Variants in PCDH11X observed in about 807,000 individuals in gnomAD.
The protein encoded by PCDH11X is protocadherin-11 X-linked.
Under a neutral mutation model 53.3 loss-of-function variants are expected in PCDH11X, and 18 were observed. The ratio of observed to expected loss-of-function variants is 0.34; its 90% CI spans 0.23 to 0.50. The LOEUF (loss-of-function observed/expected upper bound fraction) is 0.50. PCDH11X is among the 20% of genes least tolerant of loss of function. PCDH11X has a pLI of 0.98. For synonymous variants in PCDH11X, 279 were observed against 393.3 expected, an observed-to-expected ratio of 0.71 and a Z score of 3.44; for missense variants, 570 against 1,032.4, an observed-to-expected ratio of 0.55 and a Z score of 6.14.
At position 92,084,595 on chromosome X, in the gene PCDH11X, A is replaced by C. The variant is rs1451396895; in HGVS notation, c.3034-116780A>C. Among the ~76,000 whole-genome samples the C allele has an allele frequency of 5.4e-5, 6 of 111,056 alleles. No individual in the cohort carries two copies. The Admixed American group carries it at 5.8e-4, about 11-fold the overall frequency. On this transcript the variant is annotated intron_variant, in intron 6 of 10. Coordinates refer to ENST00000682573, the MANE Select transcript of PCDH11X (RefSeq NM_032968.5). ...TAACTAACACTTCCAAAAGATCAAA[A>C]AAATTTACTTAAATAATTTACACAT...
At chrX:92,399,192 C>CAAAAAAAAAAAAAAAAAAAAAA (rs376361040) in intron 9 of PCDH11X, among the ~76,000 whole-genome samples, 1 of 91,584 alleles carries the variant, frequency 1.1e-5, no homozygotes, top group Admixed American at 1.3e-4. Flanking sequence ...GACTCCGTGT[C>CAAAAAAAAAAAAAAAAAAAAAA]AAAAAAAAAA....
At chrX:92,334,551 C>T (rs1414386009) in intron 8 of PCDH11X, among the ~76,000 whole-genome samples, 1 of 111,170 alleles carries the variant, frequency 9.0e-6, no homozygotes, top group Non-Finnish European at 1.9e-5. Context: ...TACCATAAAC[C>T]TTCAATAACA....
chrX:92,215,556 C>G lies in PCDH11X; in HGVS notation c.3114+14101C>G, dbSNP rs6522507. ...GGTAAACAAAGCAGCCCGGAAGCTC[C>G]AACTGGGTGGAGCCCACCACAGCTC... is the stretch of plus-strand genomic sequence containing the variant. On this transcript the variant is annotated intron_variant, in intron 7 of 10. Coordinates refer to ENST00000682573, the MANE Select transcript of PCDH11X (RefSeq NM_032968.5). Among the ~76,000 whole-genome samples the G allele has an allele frequency of 3.4e-3, 28 of 8,234 alleles. 3 individuals carry two copies. The highest frequency in any genetic ancestry group is 3.9e-3 in the African/African-American group (26 of 6,626). 7.2% of individuals were successfully genotyped at this position (8,234 alleles called of 115,157 possible).
intron 10 of PCDH11X, among the ~76,000 whole-genome samples, chrX:92,536,372 C>A (rs1488592646): frequency 2.7e-5 from 3 of 110,983 alleles, no homozygotes; most frequent in African/African-American, 9.8e-5. Context: ...TCATCTCTAC[C>A]CATATTTTAA....
chrX:92,422,857 T>C (rs1434465550), intron 9 of PCDH11X, among the ~76,000 whole-genome samples: 3 of 108,811 alleles, frequency 2.8e-5, no homozygotes, highest in Non-Finnish European at 5.8e-5. Context: ...TCTTTATTTC[T>C]TTATTTTTTG....
chrX:92,328,660 A>G (rs1391253975), intron 8 of PCDH11X, among the ~76,000 whole-genome samples: 1 of 111,187 alleles, frequency 9.0e-6, no homozygotes, highest in Non-Finnish European at 1.9e-5. Flanking sequence ...TAATATTTAT[A>G]CTGTATACGT....
At chrX:92,542,905 T>C (rs1302276598) in intron 10 of PCDH11X, among the ~76,000 whole-genome samples, 1 of 111,817 alleles carries the variant, frequency 8.9e-6, no homozygotes, top group Non-Finnish European at 1.9e-5. Flanking sequence ...TTCTAGATTT[T>C]TCAAAGTATA....
At chrX:91,854,696 G>A (rs1479985570) in intron 5 of PCDH11X, among the ~76,000 whole-genome samples, 1 of 112,019 alleles carries the variant, frequency 8.9e-6, no homozygotes. Context: ...AAGCCAGGGG[G>A]TGAGATAATA....
rs1322968894 is a variant in PCDH11X, at chrX:92,218,904, G to A, written c.3114+17449G>A. The stretch of plus-strand genomic sequence containing the variant: ...AGGCTGGTTCAATATATGCAAATCA[G>A]TAAATGTAATCCAGCATATAAACAG... On this transcript the variant is annotated intron_variant, in intron 7 of 10. Transcript: ENST00000682573. Among the ~76,000 whole-genome samples the A allele has an allele frequency of 3.0e-3, 328 of 110,817 alleles. 1 individual carries two copies. Among genetic ancestry groups the A allele is most frequent in the Middle Eastern group, 0.023 (5 of 215 alleles).
rs1253220860 is a variant in PCDH11X, at chrX:91,983,261, C to T, written c.3033+103988C>T. ...CTGATCTTCCACAGTCATCTCGGTGCCTAGTGTATTGTCGGTGTTCTATTT... is the reference window on the plus strand; with the variant it reads ...CTGATCTTCCACAGTCATCTCGGTGTCTAGTGTATTGTCGGTGTTCTATTT... On this transcript the variant is annotated intron_variant, in intron 6 of 10. Coordinates refer to ENST00000682573, the MANE Select transcript of PCDH11X (RefSeq NM_032968.5). The T allele has an allele frequency of 4.8e-5, 41 of 860,191 alleles. No individual in the cohort carries two copies. In the African/African-American group the frequency reaches 8.1e-4, roughly 17 times the overall value. 70.9% of individuals were successfully genotyped at this position (860,191 alleles called of 1,213,427 possible).
intron 6 of PCDH11X, among the ~76,000 whole-genome samples, chrX:92,014,866 C>G (rs2062762716): frequency 9.1e-6 from 1 of 110,395 alleles, no homozygotes; most frequent in South Asian, 3.9e-4. Context: ...AGTGGAACAT[C>G]ACACACCAGG....
At chrX:91,885,910 G>A (rs778481880) in intron 6 of PCDH11X, among the ~76,000 whole-genome samples, 1 of 111,797 alleles carries the variant, frequency 8.9e-6, no homozygotes, top group African/African-American at 3.2e-5. Flanking sequence ...ACCCATATAA[G>A]CCAATGATAG....
chrX:92,552,515 T>G (rs772538701), intron 10 of PCDH11X, among the ~76,000 whole-genome samples: 51 of 106,182 alleles, frequency 4.8e-4, no homozygotes, highest in Admixed American at 4.0e-3. Flanking sequence ...ACTCCAGTTT[T>G]GATGCCCTTT....
At chrX:92,049,715 A>G (rs998055251) in intron 6 of PCDH11X, among the ~76,000 whole-genome samples, 2 of 111,679 alleles carry the variant, frequency 1.8e-5, no homozygotes, top group African/African-American at 6.5e-5. Flanking sequence ...ATATTTTTAT[A>G]CTTTATTATT....
intron 6 of PCDH11X, among the ~76,000 whole-genome samples, chrX:92,013,878 G>C (rs1366366202): frequency 9.0e-5 from 10 of 111,293 alleles, no homozygotes; most frequent in South Asian, 7.6e-4. Context: ...ATACAAAAAT[G>C]AATTCAAGAT....
chrX:92,253,094 G>A (rs1208138173), intron 7 of PCDH11X, among the ~76,000 whole-genome samples: 4 of 111,530 alleles, frequency 3.6e-5, no homozygotes, highest in Non-Finnish European at 7.5e-5. Flanking sequence ...GTATTTTGCC[G>A]AGAGACTGCA....
At chrX:92,450,453 G>T (rs1284055555) in intron 9 of PCDH11X, among the ~76,000 whole-genome samples, 1 of 100,378 alleles carries the variant, frequency 1.0e-5, no homozygotes, top group Non-Finnish European at 2.0e-5. Flanking sequence ...CTTGCCTTTG[G>T]ATGTATGTTC....
At chrX:92,601,170 C>G (rs2148807772) in intron 10 of PCDH11X, among the ~76,000 whole-genome samples, 1 of 109,405 alleles carries the variant, frequency 9.1e-6, no homozygotes, top group African/African-American at 3.3e-5. Context: ...CTTTGGGGAA[C>G]TGTTGGGAAG....
intron 10 of PCDH11X, among the ~76,000 whole-genome samples, chrX:92,503,870 G>C (rs1009198356): frequency 9.2e-6 from 1 of 109,125 alleles, no homozygotes; most frequent in African/African-American, 3.3e-5. Flanking sequence ...TAAAATAAAA[G>C]TCGAATTAAA....
Sources: allele counts gnomAD v4.1 joint callset (sites outside exome capture counted in the v4.1 genomes callset), GRCh38; gene constraint gnomAD v4.1.1; transcripts MANE v1.5; gene names NCBI Gene and HGNC (gene_info 2026-07-23, HGNC 2026-07-21).